MYO7B: variants seen among roughly 807,000 people sequenced by gnomAD.
MYO7B encodes the protein unconventional myosin-VIIb.
MYO7B carries 212 observed loss-of-function variants against 259.7 expected under a neutral mutation model. That is an observed-to-expected ratio of 0.82 (90% confidence interval 0.73 to 0.91). The LOEUF (loss-of-function observed/expected upper bound fraction) is 0.91. Among genes scored for constraint, MYO7B ranks in the 40% least tolerant of loss-of-function variants. The pLI, the probability that MYO7B is intolerant of heterozygous loss-of-function variation, is 0.00. For synonymous variants in MYO7B, 1,197 were observed against 1,166.4 expected (o/e 1.03, Z -0.54); for missense variants, 2,732 against 2,813.5 (o/e 0.97, Z 0.66).
intron 1 of MYO7B, among the ~76,000 whole-genome samples, chr2:127,557,117 A>T (rs1483338095): frequency 6.6e-6 from 1 of 152,044 alleles, no homozygotes; most frequent in Non-Finnish European, 1.5e-5. Flanking sequence ...GAATTGAGTT[A>T]ATTCTGAATT....
intron 26 of MYO7B, among the ~76,000 whole-genome samples, chr2:127,616,352 G>A (rs1168504829): frequency 6.6e-6 from 1 of 152,142 alleles, no homozygotes; most frequent in African/African-American, 2.4e-5. Context: ...AGATAAATCT[G>A]TCTCCTAGTT....
chr2:127,578,139 T>A lies in MYO7B; in HGVS notation c.856T>A (p.Cys286Ser). The A allele has an allele frequency of 6.2e-7, 1 of 1,613,722 alleles. No individual in the cohort carries two copies. The highest frequency in any genetic ancestry group is 1.1e-5 in the South Asian group (1 of 91,060). Residue 286 changes from cysteine to serine, a missense_variant, in exon 9 of 48, where the codon TGC (cysteine) becomes AGC (serine). Physicochemically the swap from Cys to Ser is moderately radical, Grantham distance 112. Around this residue, in one of 3 missense-constraint regions of MYO7B, gnomAD observed 1,906 missense variants for 2,026.4 expected, o/e 0.94. Coordinates refer to ENST00000409816, the MANE Select transcript of MYO7B (RefSeq NM_001393586.1). ...GAGGCACCCTGTCCCTCAGGGGAACTGCACTTCCTGTGAGGGGCTCAACGA... is the reference window on the plus strand; with the variant it reads ...GAGGCACCCTGTCCCTCAGGGGAACAGCACTTCCTGTGAGGGGCTCAACGA... The part of the protein sequence containing the change: ...SEYHYLTMGN[C>S]TSCEGLNDAK...
In MYO7B at chr2:127,596,497, C is replaced by T. The variant is rs1250083141; in HGVS notation, c.2280C>T (p.Ser760=). Residue 760 remains serine (S), a synonymous_variant, in exon 19 of 48, where the codon AGC becomes AGT. Transcript: ENST00000409816. ...ACACTCTGCTGGAGGTACAGAGAAG[C>T]CAGGTGCTAGACAGAGCGGCGCTCA... ...HQDTLLEVQR[S]QVLDRAALSI... is the part of the protein sequence containing the mutation. The T allele has an allele frequency of 5.0e-6, 8 of 1,613,584 alleles. No individual in the cohort carries two copies. Among genetic ancestry groups the T allele is most frequent in the Non-Finnish European group, 6.8e-6 (8 of 1,179,806 alleles).
At chr2:127,564,344 G>T in intron 3 of MYO7B, 78 bp downstream of exon 3, 1 of 1,210,328 alleles carries the variant, frequency 8.3e-7, no homozygotes, top group African/African-American at 1.5e-5. Flanking sequence ...GCCCTGTGGA[G>T]CCTCTCCCCA....
In MYO7B at chr2:127,603,781, T is replaced by C. The variant is rs577956153; in HGVS notation, c.2340-2063T>C. On this transcript the variant is annotated intron_variant, in intron 19 of 47. Transcript: ENST00000409816. ...AGGCACTGAACTCTCTATACCTCTC[T>C]ATTACCTAGAAAAGTCCTAGTGGCG... is the stretch of plus-strand genomic sequence containing the variant. Among the ~76,000 whole-genome samples the C allele has an allele frequency of 2.0e-5, 3 of 152,342 alleles. No homozygotes were observed. The East Asian group carries it at 5.8e-4, about 29-fold the overall frequency.
rs764156620 is a variant in MYO7B at position 127,596,553 on chromosome 2, A to C, written c.2336A>C (p.Tyr779Ser). The C allele has an allele frequency of 6.2e-7, 1 of 1,610,156 alleles. No homozygotes were observed. Among genetic ancestry groups the C allele is most frequent in the Non-Finnish European group, 8.5e-7 (1 of 1,178,428 alleles). Residue 779 changes from tyrosine (Y) to serine (S), a missense_variant, in exon 19 of 48, where the codon TAC becomes TCC. Physicochemically the swap from Tyr to Ser is moderately radical, Grantham distance 144. Around this residue, in one of 3 missense-constraint regions of MYO7B, gnomAD observed 1,906 missense variants for 2,026.4 expected, o/e 0.94. Coordinates refer to ENST00000409816, the MANE Select transcript of MYO7B (RefSeq NM_001393586.1). ...CAGAAAGTCCTTCGGGGCTACAGAT[A>C]CAGGTGCCGGCCCCACCCCAAGGCC... ...SIQKVLRGYR[Y>S]RKEFLRQRRA...
chr2:127,586,743 T>A lies in MYO7B; in HGVS notation c.1691-1649T>A, dbSNP rs1180734850. Among the ~76,000 whole-genome samples the A allele has an allele frequency of 6.6e-6, 1 of 152,218 alleles. No individual in the cohort carries two copies. The highest frequency in any genetic ancestry group is 1.5e-5 in the Non-Finnish European group (1 of 68,032). On this transcript the variant is annotated intron_variant, in intron 14 of 47. Coordinates refer to ENST00000409816, the MANE Select transcript of MYO7B (RefSeq NM_001393586.1). The surrounding 1 kb of genome is among the most constrained non-coding windows in gnomAD (Gnocchi z 4.8). ...GACTTTCTGGTTGCAGAAATATTAATTAAAACTAAGCCTTCTTTTTATTTT... is the reference window on the plus strand; with the variant it reads ...GACTTTCTGGTTGCAGAAATATTAAATAAAACTAAGCCTTCTTTTTATTTT...
chr2:127,609,589 T>A lies in MYO7B; in HGVS notation c.2898T>A (p.Asp966Glu), dbSNP rs773705060. The A allele has an allele frequency of 1.2e-6, 2 of 1,613,980 alleles. No homozygotes were observed. Among genetic ancestry groups the A allele is most frequent in the East Asian group, 4.5e-5 (2 of 44,880 alleles). Reference sequence around the variant, plus strand: ...CGGAGGAGCCTGAGGAGGATGTGGATGGCCTGGCCGAGTACACCTTCCCCA... The same window carrying A: ...CGGAGGAGCCTGAGGAGGATGTGGAAGGCCTGGCCGAGTACACCTTCCCCA... ...PMAEEPEEDV[D>E]GLAEYTFPKF... Residue 966 changes from aspartate to glutamate, a missense_variant, in exon 23 of 48, where the codon GAT becomes GAA. Asp to Glu is a conservative substitution (Grantham distance 45, BLOSUM62 2). Coordinates refer to ENST00000409816, the MANE Select transcript of MYO7B (RefSeq NM_001393586.1). This position sits in a 1 kb window ranked among gnomAD's most constrained non-coding sequence, Gnocchi z 6.9.
At position 127,635,754 on chromosome 2, in the gene MYO7B, G is replaced by A. The variant is rs1681764871; in HGVS notation, c.5853G>A (p.Lys1951=). The change falls in exon 44 of 48, where the codon AAG becomes AAA. Residue 1951 remains lysine (K), a synonymous_variant. Transcript: ENST00000409816. ...CCAAGTACCTGCGCGGATTCCACAA[G>A]TGTTCGCGGGAGGATGCCATCCACC... is the stretch of plus-strand genomic sequence containing the variant. ...ELPKYLRGFH[K]CSREDAIHLA... The A allele has an allele frequency of 1.9e-6, 3 of 1,603,900 alleles. No individual in the cohort carries two copies. Among genetic ancestry groups the A allele is most frequent in the Non-Finnish European group, 2.6e-6 (3 of 1,175,482 alleles).
chr2:127,604,805 C>G (rs1680103613), intron 19 of MYO7B, among the ~76,000 whole-genome samples: 1 of 152,180 alleles, frequency 6.6e-6, no homozygotes. Context: ...TCAAAACACA[C>G]ACATTTGTTA....
chr2:127,607,152 T>C lies in MYO7B; in HGVS notation c.2425-54T>C. ...GCCTCCTGGGGAGCACCCCTCTCTG[T>C]TTCCTGGGGAAGGCCTTCTTGCCCC... is the stretch of plus-strand genomic sequence containing the variant. On this transcript the variant is annotated intron_variant, in intron 20 of 47. Coordinates refer to ENST00000409816, the MANE Select transcript of MYO7B (RefSeq NM_001393586.1). The surrounding 1 kb of genome is among the most constrained non-coding windows in gnomAD (Gnocchi z 4.4). The C allele has an allele frequency of 6.7e-7, 1 of 1,491,356 alleles. No individual in the cohort carries two copies. The allele number at this position is 1,491,356 out of a possible 1,614,324, so 92.4% of individuals were successfully genotyped here.
intron 1 of MYO7B, among the ~76,000 whole-genome samples, chr2:127,550,012 C>T (rs116245990): frequency 0.012 from 1,902 of 152,272 alleles, 36 homozygotes; most frequent in African/African-American, 0.044. Context: ...GACCATAGCT[C>T]CTGGTACTTT....
At chr2:127,619,379 T>C (rs1362077132) in intron 26 of MYO7B, among the ~76,000 whole-genome samples, 1 of 18,770 alleles carries the variant, frequency 5.3e-5, no homozygotes, top group Admixed American at 6.9e-4. Context: ...GAGTAGTGGG[T>C]GCCGGCTGGG....
intron 27 of MYO7B, 29 bp downstream of exon 27, chr2:127,620,495 CA>C: frequency 8.7e-7 from 1 of 1,151,440 alleles, no homozygotes; most frequent in Middle Eastern, 3.1e-4. Flanking sequence ...GGAGGGCGGG[CA>C]GGGGGCAGGT....
In MYO7B at chr2:127,585,934, C is replaced by T. The variant is rs1258225968; in HGVS notation, c.1690+1021C>T. On this transcript the variant is annotated intron_variant, in intron 14 of 47. Transcript: ENST00000409816. This position sits in a 1 kb window ranked among gnomAD's most constrained non-coding sequence, Gnocchi z 4.3. ...TTTCACTGGGTTGTCTTTTCATTGT[C>T]GAGTTGTAAGACTTCTTTATATATT... 5.3e-5 allele frequency among the ~76,000 whole-genome samples: 8 copies of T among 152,162 alleles called. No individual in the cohort carries two copies. The highest frequency in any genetic ancestry group is 4.6e-4 in the Admixed American group (7 of 15,270).
At chr2:127,541,269 A>G (rs935796090) in intron 1 of MYO7B, among the ~76,000 whole-genome samples, 1 of 151,860 alleles carries the variant, frequency 6.6e-6, no homozygotes, top group African/African-American at 2.4e-5. Context: ...CTGTCCCCAC[A>G]GTGAATGTCA....
intron 19 of MYO7B, among the ~76,000 whole-genome samples, chr2:127,599,187 A>G (rs1679874268): frequency 6.6e-6 from 1 of 152,204 alleles, no homozygotes; most frequent in African/African-American, 2.4e-5. Flanking sequence ...CAATCCATAA[A>G]CATGATACGT....
intron 18 of MYO7B, among the ~76,000 whole-genome samples, chr2:127,595,986 A>C (rs761285565): frequency 5.9e-5 from 9 of 152,052 alleles, no homozygotes; most frequent in Non-Finnish European, 1.3e-4. Context: ...GGTCCACTTG[A>C]TCCAGAGCTG....
Position 127,590,039 on chromosome 2 carries a change from G to T in MYO7B, c.1855-53G>T. 1 of 1,546,214 alleles carries T rather than the reference G, an allele frequency of 6.5e-7. No individual in the cohort carries two copies. Among genetic ancestry groups the T allele is most frequent in the Non-Finnish European group, 8.7e-7 (1 of 1,143,086 alleles). On this transcript the variant is annotated intron_variant, in intron 15 of 47. Coordinates refer to ENST00000409816, the MANE Select transcript of MYO7B (RefSeq NM_001393586.1). The surrounding 1 kb of genome is among the most constrained non-coding windows in gnomAD (Gnocchi z 4.6). ...CCCTTGCTGGCCTACAGGGTCAGCT[G>T]TCCCAGGACATGGCTCCTGAGACCC...
Sources: gnomAD v4.1 joint callset for allele counts (sites outside exome capture counted in the v4.1 genomes callset) on GRCh38, gnomAD v4.1.1 for gene constraint, gnomAD v4.1.1 regional missense constraint, Gnocchi (gnomAD v3.1) non-coding constraint, MANE v1.5 for transcripts, NCBI Gene and HGNC (gene_info 2026-07-23, HGNC 2026-07-21) for gene names.